The following NT5DC4 variants were observed in gnomAD, a reference collection of about 807,000 sequenced individuals.
NT5DC4 encodes the protein 5'-nucleotidase domain-containing protein 4.
A neutral mutation model predicts 26.6 loss-of-function variants in NT5DC4; 44 were observed. That is an observed-to-expected ratio of 1.65 (90% CI 1.30 to 2.13). NT5DC4 has a LOEUF of 2.13. Among genes scored for constraint, NT5DC4 ranks in the 30% most tolerant of loss-of-function variants. The probability of loss-of-function intolerance (pLI) is 0.00; values close to 1 mark genes in which losing one functional copy is unlikely to be tolerated. For missense variants in NT5DC4, 399 were observed against 228.1 expected, an observed-to-expected ratio of 1.75 and a Z score of -4.83; for synonymous variants, 157 against 86.7, an observed-to-expected ratio of 1.81 and a Z score of -4.51.
Position 112,738,916 on chromosome 2 carries a change from A to G in NT5DC4, c.1348A>G (p.Ile450Val), listed in dbSNP as rs572275830. The G allele has an allele frequency of 6.2e-7, 1 of 1,614,126 alleles. No homozygotes were observed. The highest frequency in any genetic ancestry group is 1.3e-5 in the African/African-American group (1 of 75,054). Residue 450 changes from isoleucine to valine, a missense_variant, in exon 17 of 17, where the codon ATC (isoleucine) becomes GTC (valine). Physicochemically the swap from Ile to Val is conservative, Grantham distance 29. Transcript: ENST00000688554. ...TTGTTTCTTCCACTTCTAACAGTTC[A>G]TCAAGAGAAGCCACTACTAAATCGT... ...SCLLSCNQRF[I>V]KRSHY is the part of the protein sequence containing the mutation.
chr2:112,741,042 T>C (rs778063474), downstream of NT5DC4: 2 of 1,428,394 alleles, frequency 1.4e-6, no homozygotes, highest in South Asian at 2.4e-5. Context: ...AAGTAAGATT[T>C]ACCAATTTAA....
At chr2:112,729,740 G>A in intron 16 of NT5DC4, 36 bp downstream of exon 16, 1 of 717,198 alleles carries the variant, frequency 1.4e-6, no homozygotes, top group South Asian at 1.5e-5. Context: ...TGTGGCTTGG[G>A]GTCCCATGGG....
At position 112,725,385 on chromosome 2, in the gene NT5DC4, C is replaced by T. The variant is rs766975882; in HGVS notation, c.986C>T (p.Ser329Phe). 5.7e-6 allele frequency: 4 copies of T among 704,342 alleles called. No homozygotes were observed. The highest frequency in any genetic ancestry group is 1.1e-5 in the Non-Finnish European group (4 of 374,814). 43.6% of individuals were successfully genotyped at this position (704,342 alleles called of 1,614,324 possible). A position where few individuals can be genotyped will look rare whatever the true frequency, so the allele number is the denominator to read the frequency against. The change falls in exon 13 of 17, where the codon TCT becomes TTT. Residue 329 changes from serine to phenylalanine, a missense_variant. Transcript: ENST00000688554. ...TGTCCTCCCCTTGGTGGGGCAGGCT[C>T]TTCGGACATGGTGTGCGAGCTGCTT... ...HQHCAVYSGG[S>F]SDMVCELLGV... is the part of the protein sequence containing the mutation.
chr2:112,719,481 C>CTTT (rs57789268), upstream of NT5DC4, among the ~76,000 whole-genome samples: 29,325 of 100,968 alleles, frequency 0.29, 5,266 homozygotes, highest in Non-Finnish European at 0.37. Context: ...ACTTGTCTGT[C>CTTT]TTTTTTTTTT....
At chr2:112,737,757 T>C (rs139210200) in intron 16 of NT5DC4, 1 of 152,188 alleles carries the variant, frequency 6.6e-6, no homozygotes, top group Non-Finnish European at 1.5e-5. Context: ...TCCTTGGTAA[T>C]GAATGCTCCT....
At chr2:112,740,778 T>TCTAGTCC, downstream of NT5DC4, 1 of 1,513,840 alleles carries the variant, frequency 6.6e-7, no homozygotes, top group South Asian at 1.2e-5. Flanking sequence ...GGACTAGAAT[T>TCTAGTCC]AAGTCTGTGA....
downstream of NT5DC4, chr2:112,740,835 C>T: frequency 1.9e-6 from 3 of 1,611,240 alleles, no homozygotes; most frequent in African/African-American, 2.7e-5. Flanking sequence ...TTGGACCAAT[C>T]TGTAATTTGA....
downstream of NT5DC4, among the ~76,000 whole-genome samples, chr2:112,741,996 G>T (rs1329557041): frequency 7.4e-6 from 1 of 134,526 alleles, no homozygotes; most frequent in Non-Finnish European, 1.5e-5. Flanking sequence ...CACCACGTTG[G>T]TCAGGCTGGT....
rs1482281220 is a variant in NT5DC4, at chr2:112,723,613, A to T, written c.673-106A>T. 5.0e-5 allele frequency: 34 copies of T among 683,936 alleles called. No individual in the cohort carries two copies. The East Asian group carries it at 9.1e-4, about 18-fold the overall frequency. The allele number at this position is 683,936 out of a possible 1,614,324, so 42.4% of individuals were successfully genotyped here. A position where few individuals can be genotyped will look rare whatever the true frequency, so the allele number is the denominator to read the frequency against. ...GATCTTTCTATGGGGCCTGGTGCCTACCTGCCTGGGCTGGGGTGGGCTCCC... is the reference window on the plus strand; with the variant it reads ...GATCTTTCTATGGGGCCTGGTGCCTTCCTGCCTGGGCTGGGGTGGGCTCCC... On this transcript the variant is annotated intron_variant, in intron 8 of 16. Coordinates refer to ENST00000688554, the MANE Select transcript of NT5DC4 (RefSeq NM_001393655.1).
At chr2:112,727,502 A>C (rs1677897891) in intron 15 of NT5DC4, among the ~76,000 whole-genome samples, 1 of 152,118 alleles carries the variant, frequency 6.6e-6, no homozygotes, top group Non-Finnish European at 1.5e-5. Context: ...TGTTGGACTC[A>C]GATGGTAAAT....
chr2:112,726,846 AC>A lies in NT5DC4; in HGVS notation c.1266+112del. On this transcript the variant is annotated intron_variant, in intron 15 of 16. Coordinates refer to ENST00000688554, the MANE Select transcript of NT5DC4 (RefSeq NM_001393655.1). ...TGTCCTCGGTGCCAAAGGCCCAGTT[AC>A]CCCATTCTCCTCAGCCTCGCCTGGG... 1.3e-5 allele frequency: 9 copies of A among 701,588 alleles called. No homozygotes were observed. The South Asian group carries it at 1.4e-4, about 11-fold the overall frequency. 43.5% of individuals were successfully genotyped at this position (701,588 alleles called of 1,614,324 possible). A position where few individuals can be genotyped will look rare whatever the true frequency, so the allele number is the denominator to read the frequency against.
At chr2:112,739,296 C>G (rs1484819196), downstream of NT5DC4, among the ~76,000 whole-genome samples, 1 of 152,126 alleles carries the variant, frequency 6.6e-6, no homozygotes, top group Non-Finnish European at 1.5e-5. Context: ...TGGCACACAC[C>G]TGTAATCCCA....
chr2:112,723,636 C>T (rs1677270996), intron 8 of NT5DC4, 83 bp from the exon 9 acceptor site: 1 of 676,014 alleles, frequency 1.5e-6, no homozygotes, highest in Non-Finnish European at 2.7e-6. Flanking sequence ...GGGGTGGGCT[C>T]CCAGAAGGCT....
chr2:112,725,558 C>A lies in NT5DC4; in HGVS notation c.1153+6C>A. 2.9e-6 allele frequency: 2 copies of A among 699,408 alleles called. No individual in the cohort carries two copies. The highest frequency in any genetic ancestry group is 5.4e-6 in the Non-Finnish European group (2 of 372,836). The allele number at this position is 699,408 out of a possible 1,614,324, so 43.3% of individuals were successfully genotyped here. On this transcript the variant is annotated splice_donor_region_variant and intron_variant, in intron 13 of 16. Transcript: ENST00000688554. Reference sequence around the variant, plus strand: ...CATCTGGGCCCAGGAGAAGGGTGAGCTGTTGGGGTCTGGAACAGTCAGAGG... The same window carrying A: ...CATCTGGGCCCAGGAGAAGGGTGAGATGTTGGGGTCTGGAACAGTCAGAGG...
chr2:112,731,212 A>G (rs1185920070), intron 16 of NT5DC4: 1 of 151,866 alleles, frequency 6.6e-6, no homozygotes, highest in Non-Finnish European at 1.5e-5. Flanking sequence ...GGAAAAAGGA[A>G]AAAGCAACTG....
rs1348247513 is a variant in NT5DC4, at chr2:112,729,670, A to C, written c.1310A>C (p.Asp437Ala). The C allele has an allele frequency of 1.4e-6, 1 of 717,822 alleles. No homozygotes were observed. Among genetic ancestry groups the C allele is most frequent in the Non-Finnish European group, 2.6e-6 (1 of 385,154 alleles). 44.5% of individuals were successfully genotyped at this position (717,822 alleles called of 1,614,324 possible). The change falls in exon 16 of 17, where the codon GAC becomes GCC. Residue 437 changes from aspartate (D) to alanine (A), a missense_variant. Transcript: ENST00000688554. ...SVVEQEQANL[D>A]PASCLLSCNQ... is the part of the protein sequence containing the mutation. ...GTGGAGCAAGAACAGGCCAATCTAGACCCTGCCTCCTGCCTCCTCTCCTGC... is the reference window on the plus strand; with the variant it reads ...GTGGAGCAAGAACAGGCCAATCTAGCCCCTGCCTCCTGCCTCCTCTCCTGC...
At chr2:112,726,852 T>C in intron 15 of NT5DC4, 114 bp downstream of exon 15, 1 of 696,852 alleles carries the variant, frequency 1.4e-6, no homozygotes, top group Non-Finnish European at 2.7e-6. Context: ...AGTTACCCCA[T>C]TCTCCTCAGC....
chr2:112,740,895 G>A (rs1476344561), downstream of NT5DC4: 16 of 1,613,924 alleles, frequency 9.9e-6, no homozygotes, highest in South Asian at 4.4e-5. Context: ...GTGTCGCCGT[G>A]ACTTGTTCCC....
At chr2:112,719,836 TTCCTTCCCTCCCTCCCTCCC>T (rs1558713816), upstream of NT5DC4, among the ~76,000 whole-genome samples, 1 of 60,840 alleles carries the variant, frequency 1.6e-5, no homozygotes, top group African/African-American at 3.9e-5. Context: ...CCTTCCTTCC[TTCCTTCCCTCCCTCCCTCCC>T]TCCCTCCCTC....
Sources: gnomAD v4.1 joint callset for allele counts (sites outside exome capture counted in the v4.1 genomes callset) on GRCh38, gnomAD v4.1.1 for gene constraint, MANE v1.5 for transcripts, NCBI Gene and HGNC (gene_info 2026-07-23, HGNC 2026-07-21) for gene names.